OXCT1: variants seen among roughly 807,000 people sequenced by gnomAD.
OXCT1 encodes succinyl-CoA:3-ketoacid coenzyme A transferase 1, mitochondrial.
A neutral mutation model predicts 69.6 loss-of-function variants in OXCT1; 27 were observed. The ratio of observed to expected loss-of-function variants is 0.39; its 90% confidence interval spans 0.29 to 0.54. OXCT1 has a LOEUF of 0.54. Among genes scored for constraint, OXCT1 ranks in the 20% least tolerant of loss-of-function variants. The pLI is 0.72. For synonymous variants in OXCT1, 202 were observed against 217.8 expected (o/e 0.93, Z 0.64); for missense variants, 437 against 650.2 (o/e 0.67, Z 3.57).
At chr5:41,747,033 C>A (rs1743527785) in intron 15 of OXCT1, among the ~76,000 whole-genome samples, 1 of 152,100 alleles carries the variant, frequency 6.6e-6, no homozygotes. Context: ...TATCTCTTTT[C>A]TCCCCGCTTT....
intron 10 of OXCT1, 55 bp downstream of exon 10, chr5:41,803,014 G>T: frequency 8.0e-7 from 1 of 1,243,372 alleles, no homozygotes; most frequent in Non-Finnish European, 1.2e-6. Flanking sequence ...TTCACAACAT[G>T]AAATATCTCA....
rs1226571975 is a variant in OXCT1, at chr5:41,739,305, A to G, written c.1521+85T>C. ...AGGTCAACTCCAAAAATGATCACAA[A>G]TTAATGGTTCATGTCCTGCAAACAC... is the stretch of plus-strand genomic sequence containing the variant. On this transcript the variant is annotated intron_variant, in intron 16 of 16. Transcript: ENST00000196371. 4.3e-6 allele frequency: 4 copies of G among 936,770 alleles called. No homozygotes were observed. The African/African-American group carries it at 4.8e-5, about 11-fold the overall frequency. The allele number at this position is 936,770 out of a possible 1,614,324, so 58.0% of individuals were successfully genotyped here.
chr5:41,829,637 C>T lies in OXCT1; in HGVS notation c.732+10814G>A, dbSNP rs568152376. 2.6e-5 allele frequency among the ~76,000 whole-genome samples: 4 copies of T among 152,246 alleles called. No individual in the cohort carries two copies. In the South Asian group the frequency reaches 8.3e-4, roughly 32 times the overall value. On this transcript the variant is annotated intron_variant, in intron 7 of 16. Coordinates refer to ENST00000196371, the MANE Select transcript of OXCT1 (RefSeq NM_000436.4). ...TATTTTTATCACCAATAAACTATTT[C>T]TATTCTGCTATTCTTCTGGGTGTAA...
chr5:41,851,634 A>G (rs1478333472), intron 4 of OXCT1, among the ~76,000 whole-genome samples: 1 of 152,018 alleles, frequency 6.6e-6, no homozygotes, highest in Non-Finnish European at 1.5e-5. Context: ...CTGCAAAATA[A>G]GCTGCCAGAG....
At chr5:41,791,521 C>G (rs1745916136) in intron 13 of OXCT1, among the ~76,000 whole-genome samples, 1 of 152,226 alleles carries the variant, frequency 6.6e-6, no homozygotes, top group South Asian at 2.1e-4. Context: ...CTACAAATAA[C>G]TACATAGTGT....
At position 41,822,297 on chromosome 5, in the gene OXCT1, G is replaced by A. The variant is rs368165492; in HGVS notation, c.733-14859C>T. ...TGAAGCTCATGAGGCTAGTTCTGCGGTAGTGGTTTGGGGGTGGGAGGAGAC... is the reference window on the plus strand; with the variant it reads ...TGAAGCTCATGAGGCTAGTTCTGCGATAGTGGTTTGGGGGTGGGAGGAGAC... On this transcript the variant is annotated intron_variant, in intron 7 of 16. Coordinates refer to ENST00000196371, the MANE Select transcript of OXCT1 (RefSeq NM_000436.4). Among the ~76,000 whole-genome samples, 138 of 152,210 alleles carry A rather than the reference G, an allele frequency of 9.1e-4. 1 individual carries two copies. Among genetic ancestry groups the A allele is most frequent in the African/African-American group, 3.3e-3 (136 of 41,550 alleles).
At chr5:41,800,957 C>T (rs369621363) in intron 11 of OXCT1, 65 bp downstream of exon 11, 4 of 1,371,110 alleles carry the variant, frequency 2.9e-6, no homozygotes, top group Non-Finnish European at 4.2e-6. Flanking sequence ...AGAATTGAGT[C>T]CAAACTCTTA....
chr5:41,777,253 T>C (rs1745170684), intron 13 of OXCT1, among the ~76,000 whole-genome samples: 1 of 152,080 alleles, frequency 6.6e-6, no homozygotes, highest in Non-Finnish European at 1.5e-5. Context: ...CCGTCCCTAC[T>C]AAAAATACAA....
chr5:41,853,287 G>C lies in OXCT1; in HGVS notation c.414+132C>G. 4.0e-6 allele frequency: 3 copies of C among 745,150 alleles called. No individual in the cohort carries two copies. The East Asian group carries it at 8.0e-5, about 20-fold the overall frequency. The allele number at this position is 745,150 out of a possible 1,614,324, so 46.2% of individuals were successfully genotyped here. A position where few individuals can be genotyped will look rare whatever the true frequency, so the allele number is the denominator to read the frequency against. On this transcript the variant is annotated intron_variant, in intron 4 of 16. Coordinates refer to ENST00000196371, the MANE Select transcript of OXCT1 (RefSeq NM_000436.4). ...TCCAGCAATCAACAGGTGTGAGTTAGAAACAAAATTCCCTGGTTTGGCAAA... is the reference window on the plus strand; with the variant it reads ...TCCAGCAATCAACAGGTGTGAGTTACAAACAAAATTCCCTGGTTTGGCAAA...
intron 15 of OXCT1, among the ~76,000 whole-genome samples, chr5:41,745,595 A>C (rs1354095365): frequency 1.3e-5 from 2 of 152,216 alleles, no homozygotes; most frequent in Admixed American, 6.5e-5. Flanking sequence ...CCTTCAAAAA[A>C]TCAGTGAATC....
intron 14 of OXCT1, among the ~76,000 whole-genome samples, chr5:41,754,122 C>A (rs1302179628): frequency 6.7e-6 from 1 of 150,222 alleles, no homozygotes; most frequent in Non-Finnish European, 1.5e-5. Context: ...CTTAAAGGCA[C>A]TTGCCATAAT....
At chr5:41,831,734 G>T (rs189199795) in intron 7 of OXCT1, among the ~76,000 whole-genome samples, 2 of 152,286 alleles carry the variant, frequency 1.3e-5, no homozygotes, top group African/African-American at 4.8e-5. Flanking sequence ...GTGACCATGG[G>T]TTGATAGTCA....
At chr5:41,751,306 T>C (rs551015558) in intron 14 of OXCT1, among the ~76,000 whole-genome samples, 2 of 152,174 alleles carry the variant, frequency 1.3e-5, no homozygotes, top group African/African-American at 4.8e-5. Flanking sequence ...GTTCTCATTA[T>C]TTGAGCAAGA....
At chr5:41,738,648 C>A (rs544235853) in intron 16 of OXCT1, among the ~76,000 whole-genome samples, 1 of 152,272 alleles carries the variant, frequency 6.6e-6, no homozygotes, top group Admixed American at 6.5e-5. Context: ...TTCATTTCTT[C>A]AGAGACATTT....
chr5:41,800,049 G>A (rs1476225287), intron 11 of OXCT1, among the ~76,000 whole-genome samples: 1 of 152,144 alleles, frequency 6.6e-6, no homozygotes, highest in African/African-American at 2.4e-5. Context: ...GCACTCCAGG[G>A]ATGACATATG....
chr5:41,797,087 G>A (rs111374954), intron 11 of OXCT1, among the ~76,000 whole-genome samples: 118 of 152,314 alleles, frequency 7.7e-4, no homozygotes, highest in African/African-American at 2.6e-3. Context: ...AGTCAAGGAG[G>A]AGGAATTTGT....
chr5:41,748,488 GT>G (rs1743615999), intron 15 of OXCT1, among the ~76,000 whole-genome samples: 1 of 152,062 alleles, frequency 6.6e-6, no homozygotes, highest in African/African-American at 2.4e-5. Context: ...AACAATCCCT[GT>G]TCATAGTTTT....
chr5:41,808,566 T>C (rs773565157), intron 7 of OXCT1, among the ~76,000 whole-genome samples: 1 of 152,114 alleles, frequency 6.6e-6, no homozygotes, highest in South Asian at 2.1e-4. Context: ...GCTATCTTCT[T>C]TGATAAACAG....
chr5:41,766,796 T>C (rs1477908802), intron 13 of OXCT1, among the ~76,000 whole-genome samples: 1 of 152,164 alleles, frequency 6.6e-6, no homozygotes, highest in Non-Finnish European at 1.5e-5. Context: ...CTAAATATTC[T>C]GGTCTTAAGT....
Sources: gnomAD v4.1 joint callset for allele counts (sites outside exome capture counted in the v4.1 genomes callset) on GRCh38, gnomAD v4.1.1 for gene constraint, MANE v1.5 for transcripts, NCBI Gene and HGNC (gene_info 2026-07-23, HGNC 2026-07-21) for gene names.